MYO15A: variants seen among roughly 807,000 people sequenced by gnomAD.
The protein encoded by MYO15A is myosin XVA, also known as unconventional myosin-XV.
MYO15A carries 308 observed loss-of-function variants against 394.6 expected under a neutral mutation model. The ratio of observed to expected loss-of-function variants is 0.78; its 90% confidence interval spans 0.71 to 0.86. The LOEUF is 0.86. MYO15A is among the 40% of genes least tolerant of loss of function. MYO15A has a pLI of 0.00. For missense variants in MYO15A, 4,606 were observed against 4,799.1 expected (o/e 0.96, Z 1.19); for synonymous variants, 1,957 against 2,003.8 (o/e 0.98, Z 0.62).
In MYO15A at chr17:18,150,722, T is replaced by C. The variant is rs1424977114; in HGVS notation, c.7352T>C (p.Leu2451Ser). 1.1e-5 allele frequency: 17 copies of C among 1,589,880 alleles called. No individual in the cohort carries two copies. The African/African-American group carries it at 1.3e-4, about 13-fold the overall frequency. ...KPIPGLDAST[L>S]ALQQAFIHKQ... Reference sequence around the variant, plus strand: ...GTCCCAGGCCTGGATGCCTCCACATTGGCTCTGCAGCAAGCCTTCATCCAC... The same window carrying C: ...GTCCCAGGCCTGGATGCCTCCACATCGGCTCTGCAGCAAGCCTTCATCCAC... Residue 2451 changes from leucine to serine, a missense_variant, in exon 37 of 66, where the codon TTG becomes TCG. By Grantham distance (145) the Leu-to-Ser change is moderately radical (BLOSUM62 -2). Coordinates refer to ENST00000647165, the MANE Select transcript of MYO15A (RefSeq NM_016239.4). The surrounding 1 kb of genome is among the most constrained non-coding windows in gnomAD (Gnocchi z 4.4).
intron 1 of MYO15A, among the ~76,000 whole-genome samples, chr17:18,111,176 C>CA (rs769083298): frequency 2.2e-4 from 33 of 152,030 alleles, no homozygotes; most frequent in South Asian, 8.3e-4. Context: ...CCTGTCTCTA[C>CA]AAAAAAACAT....
chr17:18,143,328 G>A (rs910508146), intron 25 of MYO15A, among the ~76,000 whole-genome samples: 4 of 152,124 alleles, frequency 2.6e-5, no homozygotes, highest in African/African-American at 9.7e-5. Flanking sequence ...TTTCCCCAGC[G>A]TTTTTCTCCC....
At position 18,117,314 on chromosome 17, in the gene MYO15A, T is replaced by A. The variant is rs904017552; in HGVS notation, c.-219-1268T>A. Among the ~76,000 whole-genome samples, 18 of 152,242 alleles carry A rather than the reference T, an allele frequency of 1.2e-4. No individual in the cohort carries two copies. The highest frequency in any genetic ancestry group is 1.9e-4 in the African/African-American group (8 of 41,468). On this transcript the variant is annotated intron_variant, in intron 1 of 65. Coordinates refer to ENST00000647165, the MANE Select transcript of MYO15A (RefSeq NM_016239.4). This position sits in a 1 kb window ranked among gnomAD's most constrained non-coding sequence, Gnocchi z 4.1. ...AGAGGGGGAGACCTCACTTGCTGCA[T>A]GGTCCCCTCTCTGCTCCTGCCACTT...
chr17:18,110,362 G>A (rs1202479819), intron 1 of MYO15A: 5 of 152,194 alleles, frequency 3.3e-5, no homozygotes, highest in African/African-American at 1.2e-4. Context: ...TGAGGCAGTG[G>A]TTGAGACTGT....
chr17:18,155,477 A>C (rs752163508), intron 47 of MYO15A, 45 bp downstream of exon 47: 1 of 1,531,942 alleles, frequency 6.5e-7, no homozygotes, highest in South Asian at 1.1e-5. Flanking sequence ...ACTGGGATAC[A>C]GACTGGCATC....
intron 25 of MYO15A, among the ~76,000 whole-genome samples, chr17:18,143,135 G>T (rs906931713): frequency 2.6e-5 from 4 of 152,196 alleles, no homozygotes; most frequent in African/African-American, 9.7e-5. Context: ...ATGTCACTGG[G>T]TATGGTTTTG....
chr17:18,152,696 A>C (rs1186445178), intron 42 of MYO15A, among the ~76,000 whole-genome samples: 1 of 150,954 alleles, frequency 6.6e-6, no homozygotes, highest in Admixed American at 6.6e-5. Context: ...TGATGTGCCC[A>C]CCTCCCCAGC....
rs184490419 is a variant in MYO15A, at chr17:18,126,514, G to A, written c.3866+58G>A. The A allele has an allele frequency of 1.2e-4, 176 of 1,514,898 alleles. 1 individual carries two copies. The Middle Eastern group carries it at 1.7e-3, about 14-fold the overall frequency. The allele number at this position is 1,514,898 out of a possible 1,614,324, so 93.8% of individuals were successfully genotyped here. A position where few individuals can be genotyped will look rare whatever the true frequency, so the allele number is the denominator to read the frequency against. On this transcript the variant is annotated intron_variant, in intron 5 of 65. Transcript: ENST00000647165. ...CTTGGGCCCCTCTTTCCCCTGCTCT[G>A]GGAGCCTGGATCCCGGCTGCACCTG...
intron 1 of MYO15A, chr17:18,109,117 G>A (rs1008072603): frequency 5.2e-5 from 8 of 152,390 alleles, no homozygotes; most frequent in African/African-American, 1.9e-4. Flanking sequence ...GTTTCTGCCT[G>A]GCTGGTGGCC....
At chr17:18,124,430 G>T (rs1597763221) in intron 2 of MYO15A, 53 bp from the exon 3 acceptor site, 5 of 1,579,298 alleles carry the variant, frequency 3.2e-6, no homozygotes, top group East Asian at 2.2e-5. Flanking sequence ...AGGGGTCAGT[G>T]GGGGAGGGGG....
chr17:18,158,317 A>T, intron 51 of MYO15A: 1 of 568,332 alleles, frequency 1.8e-6, no homozygotes, highest in South Asian at 2.0e-5. Flanking sequence ...CAAGTGGGGC[A>T]GGGAGCCAGG....
At chr17:18,176,337 C>T (rs1275330983) in intron 65 of MYO15A, among the ~76,000 whole-genome samples, 1 of 151,952 alleles carries the variant, frequency 6.6e-6, no homozygotes, top group Non-Finnish European at 1.5e-5. Flanking sequence ...GGGAAGCAGG[C>T]ACATCACGTG....
At position 18,155,207 on chromosome 17, in the gene MYO15A, C is replaced by T. The variant is rs712272; in HGVS notation, c.8322C>T (p.Ser2774=). The change falls in exon 46 of 66, where the codon TCC becomes TCT. Residue 2774 remains serine (S), a synonymous_variant. Transcript: ENST00000647165. ...GAGACACCTGGGAGGTCTACTTCTC[C>T]CGCATCTTCCCCGCCACGGTGCGAG... ...TARDTWEVYF[S]RIFPATGSVG... is the part of the protein sequence containing the mutation. 619,088 of 1,613,392 alleles carry T rather than the reference C, an allele frequency of 0.38. 124,843 individuals carry two copies. The highest frequency in any genetic ancestry group is 0.42 in the Non-Finnish European group (495,969 of 1,179,734).
At position 18,124,457 on chromosome 17, in the gene MYO15A, A is replaced by T. The variant is rs761697497; in HGVS notation, c.3610-26A>T. The T allele has an allele frequency of 3.1e-6, 5 of 1,606,424 alleles. No homozygotes were observed. The East Asian group carries it at 1.1e-4, about 36-fold the overall frequency. On this transcript the variant is annotated intron_variant, in intron 2 of 65. Transcript: ENST00000647165. ...GGGAGGGGGGTGCCCTTCAACCTGCAGACACAGCCTCTCTCTCTCACACAG... is the reference window on the plus strand; with the variant it reads ...GGGAGGGGGGTGCCCTTCAACCTGCTGACACAGCCTCTCTCTCTCACACAG...
rs925078074 is a variant in MYO15A, at chr17:18,153,926, G to A, written c.8088+30G>A. On this transcript the variant is annotated intron_variant, in intron 43 of 65. Coordinates refer to ENST00000647165, the MANE Select transcript of MYO15A (RefSeq NM_016239.4). This position sits in a 1 kb window ranked among gnomAD's most constrained non-coding sequence, Gnocchi z 4.1. ...CGAGCACAGCCGTAGCCAGGGGAGG[G>A]GCTGAAGCGGGGCAGGGGAGGGGCT... 1 of 1,613,106 alleles carries A rather than the reference G, an allele frequency of 6.2e-7. No individual in the cohort carries two copies. The highest frequency in any genetic ancestry group is 1.1e-5 in the South Asian group (1 of 91,054).
chr17:18,130,656 C>A, intron 7 of MYO15A, 149 bp from the exon 8 acceptor site: 1 of 1,345,474 alleles, frequency 7.4e-7, no homozygotes, highest in Non-Finnish European at 1.0e-6. Flanking sequence ...AAGCCTGGAC[C>A]CCTGGGGTCT....
chr17:18,143,715 G>C lies in MYO15A; in HGVS notation c.5965G>C (p.Glu1989Gln). The C allele has an allele frequency of 6.3e-7, 1 of 1,595,082 alleles. No homozygotes were observed. The highest frequency in any genetic ancestry group is 8.5e-7 in the Non-Finnish European group (1 of 1,171,500). The change falls in exon 27 of 66, where the codon GAG (glutamate) becomes CAG (glutamine). Residue 1989 changes from glutamate (E) to glutamine (Q), a missense_variant and splice_region_variant. Around this residue, in one of 2 missense-constraint regions of MYO15A, gnomAD observed 2,776 missense variants for 3,109.3 expected, o/e 0.89. Transcript: ENST00000647165. ...CCTGTCCCATGCACTGTCCCTCTAG[G>C]AGCTGAGCAAGCGGGAGGTAGTCGC... ...VEGALLWEQE[E>Q]LSKREVVAVG...
At position 18,143,742 on chromosome 17, in the gene MYO15A, G is replaced by A; in HGVS notation, c.5992G>A (p.Val1998Met). Residue 1998 changes from valine (V) to methionine (M), a missense_variant, in exon 27 of 66, where the codon GTG becomes ATG. Around this residue, in one of 2 missense-constraint regions of MYO15A, gnomAD observed 2,776 missense variants for 3,109.3 expected, o/e 0.89. Transcript: ENST00000647165. ...GCTGAGCAAGCGGGAGGTAGTCGCT[G>A]TGGGGCACCTGGAGGTACCGGCTGA... ...EELSKREVVA[V>M]GHLEVPAELA... is the part of the protein sequence containing the mutation. The A allele has an allele frequency of 1.2e-6, 2 of 1,600,072 alleles. No homozygotes were observed. The highest frequency in any genetic ancestry group is 1.1e-5 in the South Asian group (1 of 88,432).
chr17:18,124,642 T>A (rs1482002091), intron 3 of MYO15A, 77 bp downstream of exon 3: 34 of 1,388,540 alleles, frequency 2.4e-5, no homozygotes, highest in Non-Finnish European at 3.2e-5. Flanking sequence ...CAGCTCCTCC[T>A]GCAGTTGCCT....
Sources: gnomAD v4.1 joint callset for allele counts (sites outside exome capture counted in the v4.1 genomes callset) on GRCh38, gnomAD v4.1.1 for gene constraint, gnomAD v4.1.1 regional missense constraint, Gnocchi (gnomAD v3.1) non-coding constraint, MANE v1.5 for transcripts, NCBI Gene and HGNC (gene_info 2026-07-23, HGNC 2026-07-21) for gene names.